GRID2: variants seen among roughly 807,000 people sequenced by gnomAD.
The protein encoded by GRID2 is glutamate ionotropic receptor delta type subunit 2.
Under a neutral mutation model 114.8 loss-of-function variants are expected in GRID2, and 33 were observed. The ratio of observed to expected loss-of-function variants is 0.29; its 90% confidence interval spans 0.22 to 0.38. The LOEUF is 0.38. GRID2 is among the 10% of genes least tolerant of loss of function. The pLI, the probability that GRID2 is intolerant of heterozygous loss-of-function variation, is 1.00. For synonymous variants in GRID2, 505 were observed against 449.9 expected (o/e 1.12, Z -1.55); for missense variants, 1,184 against 1,257.7 (o/e 0.94, Z 0.89).
chr4:92,504,930 G>A (rs992402694), intron 1 of GRID2, among the ~76,000 whole-genome samples: 3 of 151,912 alleles, frequency 2.0e-5, no homozygotes, highest in Non-Finnish European at 4.4e-5. Context: ...AAATAAAATT[G>A]TACTTGTTTT....
At chr4:93,328,150 G>A (rs1369120687) in intron 8 of GRID2, among the ~76,000 whole-genome samples, 1 of 151,740 alleles carries the variant, frequency 6.6e-6, no homozygotes, top group Non-Finnish European at 1.5e-5. Flanking sequence ...CAAAAAACAT[G>A]TCCTTTAGCA....
chr4:93,505,038 A>G (rs1000244589), intron 12 of GRID2, among the ~76,000 whole-genome samples: 24 of 152,202 alleles, frequency 1.6e-4, no homozygotes, highest in African/African-American at 5.5e-4. Flanking sequence ...GCTATGTACA[A>G]GTAAGGACTC....
At chr4:92,570,400 G>GGTTT (rs1326743759) in intron 1 of GRID2, among the ~76,000 whole-genome samples, 3 of 151,924 alleles carry the variant, frequency 2.0e-5, no homozygotes, top group Non-Finnish European at 4.4e-5. Context: ...GAAGCCTTTG[G>GGTTT]GTTTGTTCTT....
chr4:92,886,466 A>G (rs1242547055), intron 2 of GRID2, among the ~76,000 whole-genome samples: 2 of 152,190 alleles, frequency 1.3e-5, no homozygotes, highest in Non-Finnish European at 2.9e-5. Flanking sequence ...TTGAAGTGCC[A>G]TAAAATGAAA....
chr4:92,522,645 G>A (rs1038979558), intron 1 of GRID2, among the ~76,000 whole-genome samples: 3 of 151,924 alleles, frequency 2.0e-5, no homozygotes, highest in African/African-American at 7.2e-5. Flanking sequence ...TTATATGACT[G>A]TTAGGTAGAG....
chr4:92,584,958 A>T (rs1292152306), intron 1 of GRID2, among the ~76,000 whole-genome samples: 1 of 152,078 alleles, frequency 6.6e-6, no homozygotes, highest in African/African-American at 2.4e-5. Context: ...AATTCCTTTC[A>T]GCTATGAGTT....
At position 92,590,021 on chromosome 4, in the gene GRID2, C is replaced by T. The variant is rs933166674; in HGVS notation, c.89-110C>T. The T allele has an allele frequency of 7.1e-6, 5 of 704,836 alleles. No homozygotes were observed. The African/African-American group carries it at 7.2e-5, about 10-fold the overall frequency. 43.7% of individuals were successfully genotyped at this position (704,836 alleles called of 1,614,324 possible). A position where few individuals can be genotyped will look rare whatever the true frequency, so the allele number is the denominator to read the frequency against. On this transcript the variant is annotated intron_variant, in intron 1 of 15. Transcript: ENST00000282020. ...TTCATTAATAAATAAAGTGCATGCT[C>T]TAAGTGAAAGTATATGTTTTTTAAA...
chr4:93,075,942 C>T (rs1440606635), intron 2 of GRID2, among the ~76,000 whole-genome samples: 1 of 114,872 alleles, frequency 8.7e-6, no homozygotes, highest in Non-Finnish European at 1.6e-5. Context: ...CTCGCTCTGT[C>T]ACCCAGGCTG....
chr4:93,174,427 A>C (rs11737301), intron 4 of GRID2, among the ~76,000 whole-genome samples: 52 of 152,250 alleles, frequency 3.4e-4, no homozygotes, highest in Non-Finnish European at 6.5e-4. Context: ...AGATTCATCT[A>C]AGTTGTTTCA....
intron 14 of GRID2, among the ~76,000 whole-genome samples, chr4:93,745,268 T>A (rs999096860): frequency 2.0e-5 from 3 of 152,158 alleles, no homozygotes; most frequent in Admixed American, 1.3e-4. Context: ...TTGCTGACCT[T>A]GTAAACAATG....
Position 92,784,367 on chromosome 4 carries a change from T to C in GRID2, c.244+194081T>C, listed in dbSNP as rs143296059. On this transcript the variant is annotated intron_variant, in intron 2 of 15. Transcript: ENST00000282020. The stretch of plus-strand genomic sequence containing the variant: ...ACAAAAACTTCACTGAGAATGATTG[T>C]TAAAATTATGTCAATGACTACCTGT... Among the ~76,000 whole-genome samples the C allele has an allele frequency of 1.5e-3, 223 of 152,106 alleles. 1 individual carries two copies. The highest frequency in any genetic ancestry group is 5.0e-3 in the African/African-American group (209 of 41,554).
intron 1 of GRID2, among the ~76,000 whole-genome samples, chr4:92,589,722 C>T (rs1344706258): frequency 6.6e-6 from 1 of 151,988 alleles, no homozygotes; most frequent in Non-Finnish European, 1.5e-5. Flanking sequence ...AGGTTTGATT[C>T]CTATATATTC....
At chr4:93,717,465 C>T (rs978124673) in intron 14 of GRID2, among the ~76,000 whole-genome samples, 1 of 151,788 alleles carries the variant, frequency 6.6e-6, no homozygotes, top group Non-Finnish European at 1.5e-5. Context: ...CTTCAGAGCC[C>T]TTATATTCCC....
At chr4:93,617,232 A>G (rs1741770767) in intron 13 of GRID2, among the ~76,000 whole-genome samples, 1 of 152,188 alleles carries the variant, frequency 6.6e-6, no homozygotes, top group African/African-American at 2.4e-5. Flanking sequence ...AAACCTAGTA[A>G]TGAGGAAAAG....
At position 92,304,643 on chromosome 4, in the gene GRID2, C is replaced by A. The variant is rs1212218934; in HGVS notation, c.-14C>A. ...AAGAAAATCCATCCTCCAAGAGAAT[C>A]GGCATAGGAGGAGATGGAAGTTTTC... On this transcript the variant is annotated 5_prime_UTR_variant, in exon 1 of 16. Coordinates refer to ENST00000282020, the MANE Select transcript of GRID2 (RefSeq NM_001510.4). 3 of 1,581,392 alleles carry A rather than the reference C, an allele frequency of 1.9e-6. No individual in the cohort carries two copies. In the African/African-American group the frequency reaches 4.0e-5, roughly 21 times the overall value.
intron 1 of GRID2, among the ~76,000 whole-genome samples, chr4:92,332,166 T>A (rs1365195010): frequency 2.0e-5 from 3 of 152,020 alleles, no homozygotes; most frequent in Non-Finnish European, 4.4e-5. Context: ...GGGTAGTTTA[T>A]AAGGAAAAAA....
chr4:92,951,353 A>T (rs1752024001), intron 2 of GRID2, among the ~76,000 whole-genome samples: 1 of 151,412 alleles, frequency 6.6e-6, no homozygotes, highest in South Asian at 2.1e-4. Flanking sequence ...TTATTTATTT[A>T]TTTATTTATT....
chr4:93,040,112 C>G (rs888155725), intron 2 of GRID2, among the ~76,000 whole-genome samples: 2 of 151,844 alleles, frequency 1.3e-5, no homozygotes, highest in African/African-American at 4.8e-5. Context: ...GTTCTGTGTT[C>G]TTTTAAAATT....
chr4:92,771,300 C>T (rs1335864250), intron 2 of GRID2, among the ~76,000 whole-genome samples: 2 of 152,202 alleles, frequency 1.3e-5, no homozygotes, highest in East Asian at 1.9e-4. Context: ...TCCCTTTGAT[C>T]TGTGCTGCTG....
Sources: gnomAD v4.1 joint callset for allele counts (sites outside exome capture counted in the v4.1 genomes callset) on GRCh38, gnomAD v4.1.1 for gene constraint, MANE v1.5 for transcripts, NCBI Gene and HGNC (gene_info 2026-07-23, HGNC 2026-07-21) for gene names.